Variants in KHDRBS2 observed in about 807,000 individuals in gnomAD.
The protein encoded by KHDRBS2 is KH RNA binding domain containing, signal transduction associated 2.
Under a neutral mutation model 44.3 loss-of-function variants are expected in KHDRBS2, and 26 were observed. The observed-to-expected ratio is 0.59, with a 90% CI of 0.43 to 0.81. The LOEUF is 0.81. Among genes scored for constraint, KHDRBS2 ranks in the 40% least tolerant of loss-of-function variants. KHDRBS2 has a pLI of 0.00. For missense variants in KHDRBS2, 476 were observed against 433.1 expected (o/e 1.10, Z -0.88); for synonymous variants, 194 against 151.1 (o/e 1.28, Z -2.08).
intron 6 of KHDRBS2, among the ~76,000 whole-genome samples, chr6:61,741,734 T>A (rs1776166948): frequency 6.6e-6 from 1 of 151,902 alleles, no homozygotes; most frequent in Admixed American, 6.6e-5. Context: ...GAAATTGACA[T>A]GTTTTTGTCA....
At chr6:62,263,353 A>G (rs1838677454) in intron 1 of KHDRBS2, among the ~76,000 whole-genome samples, 1 of 151,654 alleles carries the variant, frequency 6.6e-6, no homozygotes, top group Non-Finnish European at 1.5e-5. Flanking sequence ...AGCTACTGTA[A>G]TATCAATTCT....
intron 2 of KHDRBS2, among the ~76,000 whole-genome samples, chr6:62,052,643 G>T (rs1584381447): frequency 7.3e-6 from 1 of 137,742 alleles, no homozygotes; most frequent in East Asian, 2.2e-4. Context: ...GTGGAGGAGG[G>T]TGGGGGTGTT....
At chr6:61,789,234 T>G (rs1434879934) in intron 6 of KHDRBS2, among the ~76,000 whole-genome samples, 1 of 151,350 alleles carries the variant, frequency 6.6e-6, no homozygotes, top group Non-Finnish European at 1.5e-5. Flanking sequence ...AGAGCAGCAT[T>G]TAATAGACAT....
chr6:62,054,097 G>A (rs1789724339), intron 2 of KHDRBS2, among the ~76,000 whole-genome samples: 2 of 152,016 alleles, frequency 1.3e-5, no homozygotes, highest in African/African-American at 4.8e-5. Flanking sequence ...TAGATTTCTA[G>A]TCTTCTAAAT....
At chr6:61,902,357 TCA>T (rs1351574651) in intron 4 of KHDRBS2, among the ~76,000 whole-genome samples, 210 of 152,282 alleles carry the variant, frequency 1.4e-3, no homozygotes, top group African/African-American at 4.7e-3. Context: ...AACCAGAGAT[TCA>T]GTCAAAGTCA....
intron 2 of KHDRBS2, among the ~76,000 whole-genome samples, chr6:62,173,491 C>T (rs1820484705): frequency 6.6e-6 from 1 of 151,970 alleles, no homozygotes; most frequent in Non-Finnish European, 1.5e-5. Flanking sequence ...GATTCACATC[C>T]AGATTTTACC....
intron 6 of KHDRBS2, among the ~76,000 whole-genome samples, chr6:61,882,451 C>A (rs1800338808): frequency 1.3e-5 from 2 of 151,968 alleles, no homozygotes; most frequent in Admixed American, 6.6e-5. Flanking sequence ...CTAAGCAATG[C>A]AGCCTATTCT....
intron 6 of KHDRBS2, among the ~76,000 whole-genome samples, chr6:61,851,888 C>T (rs554940095): frequency 1.1e-4 from 16 of 152,216 alleles, no homozygotes; most frequent in South Asian, 6.2e-4. Flanking sequence ...ACTGAAATCA[C>T]GATATAAGTT....
chr6:61,892,894 T>G (rs965452252), intron 6 of KHDRBS2, among the ~76,000 whole-genome samples: 5 of 151,912 alleles, frequency 3.3e-5, no homozygotes, highest in East Asian at 1.9e-4. Flanking sequence ...AAGCCAAAAT[T>G]GACAAATGGG....
At chr6:62,203,159 T>C (rs566402220) in intron 1 of KHDRBS2, among the ~76,000 whole-genome samples, 172 of 152,238 alleles carry the variant, frequency 1.1e-3, no homozygotes, top group African/African-American at 4.0e-3. Flanking sequence ...AGGAAAAACA[T>C]CTTGCAGGTA....
intron 2 of KHDRBS2, among the ~76,000 whole-genome samples, chr6:62,171,203 C>T (rs1240742818): frequency 6.6e-6 from 1 of 151,912 alleles, no homozygotes; most frequent in East Asian, 1.9e-4. Context: ...AAGTCAAAAT[C>T]TATTCCAAGG....
intron 1 of KHDRBS2, among the ~76,000 whole-genome samples, chr6:62,199,898 T>C (rs1407361943): frequency 2.6e-5 from 4 of 152,120 alleles, no homozygotes; most frequent in African/African-American, 9.7e-5. Context: ...TATAGATCAA[T>C]GGAACAGAAC....
the KHDRBS2 span, among the ~76,000 whole-genome samples, chr6:61,550,019 C>A: frequency 1.3e-5 from 2 of 152,122 alleles, no homozygotes; most frequent in East Asian, 3.9e-4. Context: ...TTTAATCCCT[C>A]TATGCACAGA....
intron 7 of KHDRBS2, among the ~76,000 whole-genome samples, chr6:61,719,530 C>A (rs1311921053): frequency 2.6e-5 from 4 of 151,958 alleles, no homozygotes; most frequent in Non-Finnish European, 4.4e-5. Context: ...AGGTGTTAAT[C>A]CCAGGATGTA....
intron 6 of KHDRBS2, among the ~76,000 whole-genome samples, chr6:61,875,653 T>C (rs1251561465): frequency 1.3e-5 from 2 of 152,146 alleles, no homozygotes; most frequent in Non-Finnish European, 2.9e-5. Flanking sequence ...TTCTATTGAA[T>C]TGTGTCATGA....
intron 6 of KHDRBS2, among the ~76,000 whole-genome samples, chr6:61,777,987 C>A (rs1256482633): frequency 6.6e-6 from 1 of 151,924 alleles, no homozygotes; most frequent in African/African-American, 2.4e-5. Flanking sequence ...ATTTTTTCTG[C>A]CCCTCTCCCT....
At chr6:61,652,962 C>T in the KHDRBS2 span, among the ~76,000 whole-genome samples, 82,312 of 151,886 alleles carry the variant, frequency 0.54, 22,788 homozygotes, top group Non-Finnish European at 0.61. Flanking sequence ...GTAGAATAAA[C>T]AGATGCATGA....
chr6:61,603,607 G>A, the KHDRBS2 span, among the ~76,000 whole-genome samples: 58 of 152,156 alleles, frequency 3.8e-4, no homozygotes, highest in Admixed American at 1.4e-3. Flanking sequence ...AATGACTGCC[G>A]CTGCCTTAAT....
intron 1 of KHDRBS2, among the ~76,000 whole-genome samples, chr6:62,263,675 T>C (rs944217523): frequency 4.0e-5 from 6 of 151,794 alleles, no homozygotes; most frequent in African/African-American, 1.4e-4. Context: ...TTTGTGTTTC[T>C]TATAAAATGA....
Sources: gnomAD v4.1 joint callset for allele counts (sites outside exome capture counted in the v4.1 genomes callset) on GRCh38, gnomAD v4.1.1 for gene constraint, MANE v1.5 for transcripts, NCBI Gene and HGNC (gene_info 2026-07-23, HGNC 2026-07-21) for gene names.